The following WWP1 variants were observed in gnomAD, a reference collection of about 807,000 sequenced individuals.
The protein encoded by WWP1 is NEDD4-like E3 ubiquitin-protein ligase WWP1.
WWP1 carries 49 observed loss-of-function variants against 130.6 expected under a neutral mutation model. The ratio of observed to expected loss-of-function variants is 0.38; its 90% CI spans 0.30 to 0.48. WWP1 has a LOEUF of 0.48. Ranked by LOEUF, WWP1 falls within the 20% of genes least tolerant of loss-of-function variation. The probability of loss-of-function intolerance (pLI) is 0.99; values close to 1 mark genes in which losing one functional copy is unlikely to be tolerated. For synonymous variants in WWP1, 332 were observed against 367.8 expected (o/e 0.90, Z 1.11); for missense variants, 809 against 1,100.6 (o/e 0.74, Z 3.75).
intron 9 of WWP1, among the ~76,000 whole-genome samples, chr8:86,424,101 A>G (rs1195214601): frequency 3.4e-5 from 4 of 119,140 alleles, no homozygotes; most frequent in Middle Eastern, 5.7e-3. Flanking sequence ...GGCGGCTGCC[A>G]GGCAGAGGGG....
chr8:86,345,354 A>G (rs1453320590), intron 1 of WWP1, among the ~76,000 whole-genome samples: 1 of 152,166 alleles, frequency 6.6e-6, no homozygotes, highest in Non-Finnish European at 1.5e-5. Context: ...ATTTTAGGGG[A>G]GTCCATGGAA....
intron 9 of WWP1, among the ~76,000 whole-genome samples, chr8:86,423,855 G>GC (rs1185025202): frequency 2.2e-5 from 3 of 136,788 alleles, no homozygotes; most frequent in South Asian, 2.5e-4. Context: ...GGGCAGAGGC[G>GC]CCCCCCACCT....
At chr8:86,365,134 A>G (rs1446443277) in intron 1 of WWP1, among the ~76,000 whole-genome samples, 2 of 152,212 alleles carry the variant, frequency 1.3e-5, no homozygotes, top group South Asian at 2.1e-4. Context: ...ATTAACGTTA[A>G]TTAAAAATTA....
chr8:86,431,291 T>G (rs1809962320), intron 12 of WWP1, 115 bp from the exon 13 acceptor site: 1 of 228,098 alleles, frequency 4.4e-6, no homozygotes, highest in Non-Finnish European at 8.1e-6. Flanking sequence ...GGGATACATA[T>G]ATCCCTGATA....
chr8:86,466,951 T>C lies in WWP1; in HGVS notation c.*58T>C. On this transcript the variant is annotated 3_prime_UTR_variant, in exon 25 of 25. Transcript: ENST00000517970. Reference sequence around the variant, plus strand: ...TTTAAATACCCCAGCCAAGAAAAATTGCACAGATAGTGTATATAAGCTGTT... The same window carrying C: ...TTTAAATACCCCAGCCAAGAAAAATCGCACAGATAGTGTATATAAGCTGTT... 7.7e-7 allele frequency: 1 copy of C among 1,305,924 alleles called. No individual in the cohort carries two copies. The highest frequency in any genetic ancestry group is 1.1e-6 in the Non-Finnish European group (1 of 913,094). The allele number at this position is 1,305,924 out of a possible 1,614,324, so 80.9% of individuals were successfully genotyped here.
At chr8:86,345,324 G>A (rs1297410121) in intron 1 of WWP1, among the ~76,000 whole-genome samples, 1 of 152,044 alleles carries the variant, frequency 6.6e-6, no homozygotes, top group Non-Finnish European at 1.5e-5. Flanking sequence ...TTCCATATGC[G>A]CCTATGCTTT....
chr8:86,346,541 A>G (rs1241141154), intron 1 of WWP1, among the ~76,000 whole-genome samples: 4 of 151,982 alleles, frequency 2.6e-5, no homozygotes, highest in African/African-American at 4.8e-5. Flanking sequence ...TTCCTACTCA[A>G]TTTTTTTTGG....
intron 9 of WWP1, among the ~76,000 whole-genome samples, chr8:86,421,498 C>CT (rs2130620107): frequency 1.4e-5 from 1 of 70,264 alleles, no homozygotes; most frequent in South Asian, 3.4e-4. Context: ...TAATTGGGTT[C>CT]TTTTTTGGGG....
chr8:86,410,367 C>T (rs1279328866), intron 8 of WWP1, among the ~76,000 whole-genome samples: 1 of 151,926 alleles, frequency 6.6e-6, no homozygotes, highest in Admixed American at 6.6e-5. Flanking sequence ...GTCTTTTTTT[C>T]TTTCCCTTGA....
chr8:86,431,402 T>C lies in WWP1; in HGVS notation c.1388-4T>C. ...TTAAATATTATACTCACTTTATATT[T>C]CAGAAAAAAGAGTGGATTCAACAGA... On this transcript the variant is annotated splice_polypyrimidine_tract_variant and splice_region_variant and intron_variant, in intron 12 of 24. Coordinates refer to ENST00000517970, the MANE Select transcript of WWP1 (RefSeq NM_007013.4). 1 of 1,583,326 alleles carries C rather than the reference T, an allele frequency of 6.3e-7. No homozygotes were observed. Among genetic ancestry groups the C allele is most frequent in the Non-Finnish European group, 8.6e-7 (1 of 1,163,122 alleles).
chr8:86,345,586 T>G (rs879584217), intron 1 of WWP1, among the ~76,000 whole-genome samples: 14 of 150,322 alleles, frequency 9.3e-5, no homozygotes, highest in Non-Finnish European at 1.5e-4. Context: ...ATTTTTGTAT[T>G]TTTTTTTTAG....
chr8:86,418,333 C>T (rs1229344343), intron 9 of WWP1, among the ~76,000 whole-genome samples: 1 of 152,114 alleles, frequency 6.6e-6, no homozygotes, highest in Non-Finnish European at 1.5e-5. Context: ...GTAGCGTTTC[C>T]TTGTGTATTA....
intron 1 of WWP1, among the ~76,000 whole-genome samples, chr8:86,358,243 A>T (rs1359636985): frequency 6.6e-6 from 1 of 152,122 alleles, no homozygotes; most frequent in Non-Finnish European, 1.5e-5. Flanking sequence ...GTGAGCATGG[A>T]CTTGAATCTT....
chr8:86,422,115 A>G (rs1328047973), intron 9 of WWP1, among the ~76,000 whole-genome samples: 1 of 152,128 alleles, frequency 6.6e-6, no homozygotes, highest in African/African-American at 2.4e-5. Context: ...TATATAGATG[A>G]AACTGATTTA....
chr8:86,370,137 T>C (rs1824202256), intron 2 of WWP1, among the ~76,000 whole-genome samples: 1 of 152,220 alleles, frequency 6.6e-6, no homozygotes, highest in African/African-American at 2.4e-5. Flanking sequence ...ACCACAAATA[T>C]GATTGTTTGA....
rs187847549 is a variant in WWP1 at position 86,377,555 on chromosome 8, C to A, written c.71-3171C>A. ...CTCTTATCCTCATTTCTGTTCTTAA[C>A]CCTTATCTGATTGGCAGCAACATGT... is the stretch of plus-strand genomic sequence containing the variant. On this transcript the variant is annotated intron_variant, in intron 3 of 24. Transcript: ENST00000517970. Among the ~76,000 whole-genome samples, 150 of 151,864 alleles carry A rather than the reference C, an allele frequency of 9.9e-4. 1 individual carries two copies. The highest frequency in any genetic ancestry group is 2.0e-3 in the Non-Finnish European group (134 of 67,980).
intron 1 of WWP1, among the ~76,000 whole-genome samples, chr8:86,343,693 A>G (rs1822382452): frequency 6.6e-6 from 1 of 152,174 alleles, no homozygotes; most frequent in Non-Finnish European, 1.5e-5. Flanking sequence ...TCATTACCAA[A>G]GAAGAGTAGT....
intron 18 of WWP1, among the ~76,000 whole-genome samples, chr8:86,444,419 C>CA (rs938428339): frequency 2.6e-5 from 4 of 152,100 alleles, no homozygotes; most frequent in African/African-American, 7.2e-5. Flanking sequence ...TGGAGATAGG[C>CA]ATTTGGGAAT....
chr8:86,374,667 A>G (rs1824528093), intron 3 of WWP1, among the ~76,000 whole-genome samples: 1 of 152,192 alleles, frequency 6.6e-6, no homozygotes, highest in Non-Finnish European at 1.5e-5. Context: ...ACCATTTTCT[A>G]CTAAAAGGAA....
Sources: allele counts gnomAD v4.1 joint callset (sites outside exome capture counted in the v4.1 genomes callset), GRCh38; gene constraint gnomAD v4.1.1; transcripts MANE v1.5; gene names NCBI Gene and HGNC (gene_info 2026-07-23, HGNC 2026-07-21).